The following RPS17 variants were observed in gnomAD, a reference collection of about 807,000 sequenced individuals.
RPS17 encodes ribosomal protein S17, also known as small ribosomal subunit protein eS17.
For synonymous variants in RPS17, 75 were observed against 65.6 expected (o/e 1.14, Z -0.70); for missense variants, 68 against 182.3 (o/e 0.37, Z 3.61).
intron 4 of RPS17, 198 bp from the exon 5 acceptor site, chr15:82,537,079 T>C (rs1047741106): frequency 7.4e-6 from 5 of 671,288 alleles, no homozygotes; most frequent in African/African-American, 7.2e-5. Flanking sequence ...CACCTGACCA[T>C]GTGGTATCCC....
At chr15:82,539,791 C>T in intron 2 of RPS17, 190 bp downstream of exon 2, 1 of 1,004,018 alleles carries the variant, frequency 1.0e-6, no homozygotes, top group African/African-American at 1.6e-5. Flanking sequence ...AGGGTCACCG[C>T]GGCCAGTCAT....
intron 2 of RPS17, chr15:82,539,267 CTTCA>C (rs2034298456): frequency 8.3e-6 from 5 of 605,560 alleles, no homozygotes; most frequent in Non-Finnish European, 1.5e-5. Flanking sequence ...CCTTCACAGC[CTTCA>C]TTTTCTTCCA....
rs775421410 is a variant in RPS17 at position 82,540,435 on chromosome 15, G to A, written c.-7C>T. ...GAGCCAAAACACCTACCATGTTGGCGGGTCCTTGGTAAAAGAGGAAACAGG... is the reference window on the plus strand; with the variant it reads ...GAGCCAAAACACCTACCATGTTGGCAGGTCCTTGGTAAAAGAGGAAACAGG... On this transcript the variant is annotated 5_prime_UTR_variant, in exon 1 of 5. Coordinates refer to ENST00000647841, the MANE Select transcript of RPS17 (RefSeq NM_001021.6). The A allele has an allele frequency of 1.4e-4, 218 of 1,594,394 alleles. No homozygotes were observed. The highest frequency in any genetic ancestry group is 7.3e-4 in the African/African-American group (55 of 74,914).
chr15:82,540,184 A>G, intron 1 of RPS17, 52 bp from the exon 2 acceptor site: 1 of 1,613,328 alleles, frequency 6.2e-7, no homozygotes, highest in Admixed American at 1.7e-5. Context: ...CCTTCTGGGA[A>G]GAGTGCGGCG....
intron 1 of RPS17, 116 bp downstream of exon 1, chr15:82,540,310 G>C: frequency 6.3e-7 from 1 of 1,582,250 alleles, no homozygotes. Context: ...TTGCGCTCCA[G>C]CCTGACAGGG....
intron 3 of RPS17, chr15:82,538,663 A>G: frequency 1.5e-6 from 1 of 663,198 alleles, no homozygotes; most frequent in Non-Finnish European, 2.7e-6. Flanking sequence ...TCAAATCAAC[A>G]TTAAGGGCTC....
intron 4 of RPS17, chr15:82,537,844 A>G (rs2034267563): frequency 2.2e-6 from 1 of 455,886 alleles, no homozygotes; most frequent in East Asian, 6.9e-5. Context: ...ATGCAAAAGG[A>G]CTAAGATAAG....
intron 2 of RPS17, chr15:82,539,663 T>C (rs2034308425): frequency 2.3e-6 from 1 of 441,032 alleles, no homozygotes; most frequent in Non-Finnish European, 4.2e-6. Context: ...CACTCTAGCC[T>C]GGGCGCCAGG....
chr15:82,538,709 A>G, intron 3 of RPS17, 171 bp downstream of exon 3: 1 of 743,102 alleles, frequency 1.3e-6, no homozygotes, highest in East Asian at 2.6e-5. Flanking sequence ...TGGTTCCAGA[A>G]GAGCAGAATG....
intron 2 of RPS17, 38 bp downstream of exon 2, chr15:82,539,943 A>G: frequency 6.2e-7 from 1 of 1,611,706 alleles, no homozygotes; most frequent in East Asian, 2.2e-5. Flanking sequence ...ACACAAACAG[A>G]TCGCGGAGCC....
chr15:82,540,189 G>A lies in RPS17; in HGVS notation c.4-57C>T, dbSNP rs2150888866. 6 of 1,613,126 alleles carry A rather than the reference G, an allele frequency of 3.7e-6. No homozygotes were observed. The East Asian group carries it at 6.7e-5, about 18-fold the overall frequency. The stretch of plus-strand genomic sequence containing the variant: ...GCCAGCGCAACCTTCTGGGAAGAGT[G>A]CGGCGCCGAGCCCCGGCCGGTGTGG... On this transcript the variant is annotated intron_variant, in intron 1 of 4. Transcript: ENST00000647841.
intron 4 of RPS17, 64 bp from the exon 5 acceptor site, chr15:82,536,945 A>G (rs913787372): frequency 1.3e-6 from 2 of 1,592,364 alleles, no homozygotes; most frequent in Non-Finnish European, 1.7e-6. Flanking sequence ...ACCCCAGAAG[A>G]AAACACAGGC....
chr15:82,539,903 G>T lies in RPS17; in HGVS notation c.155+78C>A, dbSNP rs1288983728. 4 of 1,608,782 alleles carry T rather than the reference G, an allele frequency of 2.5e-6. No individual in the cohort carries two copies. The East Asian group carries it at 8.9e-5, about 36-fold the overall frequency. On this transcript the variant is annotated intron_variant, in intron 2 of 4. Transcript: ENST00000647841. ...AGGCTAACGAAACCACCAAGGCACC[G>T]TCTCTTCCCGAGTCGGAGGGCGGCA...
At chr15:82,539,604 G>T in intron 2 of RPS17, 1 of 409,880 alleles carries the variant, frequency 2.4e-6, no homozygotes, top group South Asian at 1.9e-5. Context: ...CATGACAATC[G>T]CTTGAACCCG....
intron 3 of RPS17, 37 bp downstream of exon 3, chr15:82,538,843 A>G: frequency 6.2e-7 from 1 of 1,600,194 alleles, no homozygotes; most frequent in Non-Finnish European, 8.6e-7. Flanking sequence ...TTATCATTTG[A>G]GGATTAGCCA....
chr15:82,537,422 C>T (rs1009297675), intron 4 of RPS17: 2 of 269,530 alleles, frequency 7.4e-6, no homozygotes, highest in Admixed American at 5.1e-5. Context: ...TGGGTAAGAG[C>T]TATTACTAAT....
rs1049870114 is a variant in RPS17 at position 82,539,857 on chromosome 15, T to A, written c.155+124A>T. The A allele has an allele frequency of 9.7e-5, 145 of 1,499,608 alleles. 5 individuals carry two copies. The highest frequency in any genetic ancestry group is 7.9e-4 in the East Asian group (35 of 44,312). 92.9% of individuals were successfully genotyped at this position (1,499,608 alleles called of 1,614,324 possible). On this transcript the variant is annotated intron_variant, in intron 2 of 4. Transcript: ENST00000647841. ...TGCACACGCAGAGCTCTAGCCCTTC[T>A]CCGGGACACCAGGGAGTCTCAGGCT... is the stretch of plus-strand genomic sequence containing the variant.
chr15:82,537,612 C>T, intron 4 of RPS17: 1 of 340,160 alleles, frequency 2.9e-6, no homozygotes, highest in Non-Finnish European at 5.7e-6. Flanking sequence ...TTAGTTTCAA[C>T]AAAAATGCTG....
intron 2 of RPS17, 35 bp downstream of exon 2, chr15:82,539,946 G>A: frequency 6.2e-7 from 1 of 1,611,970 alleles, no homozygotes; most frequent in Non-Finnish European, 8.5e-7. Flanking sequence ...CAAACAGATC[G>A]CGGAGCCCCG....
Sources: gnomAD v4.1 joint callset for allele counts on GRCh38, gnomAD v4.1.1 for gene constraint, MANE v1.5 for transcripts, NCBI Gene and HGNC (gene_info 2026-07-23, HGNC 2026-07-21) for gene names.